The following GRIK4 variants were observed in gnomAD, a reference collection of about 807,000 sequenced individuals.
GRIK4 encodes the protein glutamate receptor ionotropic, kainate 4.
GRIK4 carries 40 observed loss-of-function variants against 104.9 expected under a neutral mutation model. The ratio of observed to expected loss-of-function variants is 0.38; its 90% CI spans 0.30 to 0.50. The LOEUF (loss-of-function observed/expected upper bound fraction) is 0.50, where lower values mean the gene tolerates loss of function less well. Ranked by LOEUF, GRIK4 falls within the 20% of genes least tolerant of loss-of-function variation. The probability of loss-of-function intolerance (pLI) is 0.93; values close to 1 mark genes in which losing one functional copy is unlikely to be tolerated. For synonymous variants in GRIK4, 485 were observed against 524.9 expected (o/e 0.92, Z 1.04); for missense variants, 1,047 against 1,308.1 (o/e 0.80, Z 3.08).
intron 13 of GRIK4, among the ~76,000 whole-genome samples, chr11:120,909,255 G>A (rs998766489): frequency 6.6e-6 from 1 of 152,246 alleles, no homozygotes; most frequent in Non-Finnish European, 1.5e-5. Flanking sequence ...AAATCCTCAT[G>A]GGCATGCCCA....
rs1482315861 is a variant in GRIK4, at chr11:120,819,454, T to TA, written c.346-300dup. On this transcript the variant is annotated intron_variant, in intron 5 of 20. Coordinates refer to ENST00000527524, the MANE Select transcript of GRIK4 (RefSeq NM_014619.5). The surrounding 1 kb of genome is among the most constrained non-coding windows in gnomAD (Gnocchi z 4.3). Reference sequence around the variant, plus strand: ...CAGGCAGTTCCTCTAAGAATAAAGATAGATTCTTTTGCCTTCTCAGGACCA... The same window carrying TA: ...CAGGCAGTTCCTCTAAGAATAAAGATAAGATTCTTTTGCCTTCTCAGGACCA... 5.9e-5 allele frequency among the ~76,000 whole-genome samples: 9 copies of TA among 152,236 alleles called. No individual in the cohort carries two copies. The highest frequency in any genetic ancestry group is 1.9e-4 in the African/African-American group (8 of 41,470).
chr11:120,751,459 C>T (rs1339664766), intron 3 of GRIK4, among the ~76,000 whole-genome samples: 1 of 152,154 alleles, frequency 6.6e-6, no homozygotes, highest in Non-Finnish European at 1.5e-5. Flanking sequence ...AATAAATGGC[C>T]GATAAGGCTG....
intron 3 of GRIK4, among the ~76,000 whole-genome samples, chr11:120,697,963 A>G (rs1950482715): frequency 6.6e-6 from 1 of 151,900 alleles, no homozygotes; most frequent in Non-Finnish European, 1.5e-5. Flanking sequence ...AGAGGCCACT[A>G]TCTCCCCTTT....
intron 4 of GRIK4, among the ~76,000 whole-genome samples, chr11:120,809,479 C>T (rs113555684): frequency 0.013 from 1,968 of 152,306 alleles, 49 homozygotes; most frequent in East Asian, 0.048. Flanking sequence ...TCATAGGGAA[C>T]GAAAGACCAG....
At position 120,940,581 on chromosome 11, in the gene GRIK4, G is replaced by A. The variant is rs1943700595; in HGVS notation, c.1590+121G>A. On this transcript the variant is annotated intron_variant, in intron 14 of 20. Transcript: ENST00000527524. This position sits in a 1 kb window ranked among gnomAD's most constrained non-coding sequence, Gnocchi z 4.3. ...TAGATTTCAAGACTTAAATGCAAATGTGCTGGGCTATTTTTTCTCCTATCA... is the reference window on the plus strand; with the variant it reads ...TAGATTTCAAGACTTAAATGCAAATATGCTGGGCTATTTTTTCTCCTATCA... The A allele has an allele frequency of 6.2e-6, 4 of 649,700 alleles. No individual in the cohort carries two copies. In the South Asian group the frequency reaches 8.0e-5, roughly 13 times the overall value. 40.2% of individuals were successfully genotyped at this position (649,700 alleles called of 1,614,324 possible).
At chr11:120,695,298 C>A (rs1211627221) in intron 3 of GRIK4, among the ~76,000 whole-genome samples, 1 of 152,246 alleles carries the variant, frequency 6.6e-6, no homozygotes, top group Non-Finnish European at 1.5e-5. Flanking sequence ...TCTCTTCCAG[C>A]CCATCCTGGC....
intron 3 of GRIK4, among the ~76,000 whole-genome samples, chr11:120,694,064 G>T (rs564201889): frequency 3.3e-4 from 50 of 152,308 alleles, no homozygotes; most frequent in African/African-American, 1.1e-3. Context: ...TCAGCAGGGG[G>T]CAGATGGTGA....
chr11:120,716,742 C>T (rs1950842273), intron 3 of GRIK4, among the ~76,000 whole-genome samples: 1 of 152,146 alleles, frequency 6.6e-6, no homozygotes, highest in Non-Finnish European at 1.5e-5. Context: ...CACAGGAATC[C>T]TTCCAGCAGT....
chr11:120,578,781 G>C (rs1948523157), intron 1 of GRIK4, among the ~76,000 whole-genome samples: 1 of 152,184 alleles, frequency 6.6e-6, no homozygotes. Context: ...CCCGGCCCCT[G>C]GTTTCTGGTA....
Position 120,513,971 on chromosome 11 carries a change from G to A in GRIK4, c.-159+2084G>A, listed in dbSNP as rs186772468. 1.3e-5 allele frequency among the ~76,000 whole-genome samples: 2 copies of A among 152,302 alleles called. No individual in the cohort carries two copies. Among genetic ancestry groups the A allele is most frequent in the Admixed American group, 6.5e-5 (1 of 15,294 alleles). ...AGGATGGAGAGGGAACTTTAGTACC[G>A]GGAGAGAGGCAGAGACTCTAGGAGA... On this transcript the variant is annotated intron_variant, in intron 1 of 20. Transcript: ENST00000527524. This position sits in a 1 kb window ranked among gnomAD's most constrained non-coding sequence, Gnocchi z 4.5.
intron 11 of GRIK4, among the ~76,000 whole-genome samples, chr11:120,896,307 G>C (rs576976418): frequency 1.3e-5 from 2 of 152,304 alleles, no homozygotes; most frequent in South Asian, 4.2e-4. Context: ...AGGCAAGTTG[G>C]GTGGGCTCTT....
intron 3 of GRIK4, among the ~76,000 whole-genome samples, chr11:120,750,490 C>G (rs1025050676): frequency 2.0e-5 from 3 of 151,514 alleles, no homozygotes; most frequent in African/African-American, 7.3e-5. Context: ...CCTCAGCCTC[C>G]TAAGTAGCTG....
At chr11:120,710,023 A>T (rs1451284641) in intron 3 of GRIK4, among the ~76,000 whole-genome samples, 1 of 152,216 alleles carries the variant, frequency 6.6e-6, no homozygotes, top group African/African-American at 2.4e-5. Context: ...CGTGATTCAT[A>T]ACCAGAATGC....
At chr11:120,534,513 G>A (rs1205848590) in intron 1 of GRIK4, among the ~76,000 whole-genome samples, 1 of 152,046 alleles carries the variant, frequency 6.6e-6, no homozygotes, top group African/African-American at 2.4e-5. Flanking sequence ...AACCGTGCAC[G>A]CTGGGGCCTG....
chr11:120,626,025 G>A (rs1349823986), intron 1 of GRIK4, among the ~76,000 whole-genome samples: 4 of 152,172 alleles, frequency 2.6e-5, no homozygotes, highest in African/African-American at 9.7e-5. Context: ...TGAAATTAAA[G>A]GCTTTTCATG....
chr11:120,620,327 T>G, intron 1 of GRIK4: 1 of 635,770 alleles, frequency 1.6e-6, no homozygotes, highest in Non-Finnish European at 2.9e-6. Context: ...TTTCCCAGAG[T>G]TCTTTTTCTG....
intron 7 of GRIK4, among the ~76,000 whole-genome samples, chr11:120,832,545 A>G (rs917226822): frequency 6.6e-6 from 1 of 152,196 alleles, no homozygotes; most frequent in South Asian, 2.1e-4. Context: ...TGAGGTAGGT[A>G]TAATGTCTTC....
chr11:120,775,759 T>G (rs948877933), intron 3 of GRIK4, among the ~76,000 whole-genome samples: 4 of 152,262 alleles, frequency 2.6e-5, no homozygotes, highest in African/African-American at 9.6e-5. Context: ...TGAGAACTCT[T>G]GGTTCAGACC....
intron 3 of GRIK4, among the ~76,000 whole-genome samples, chr11:120,686,781 A>G: frequency 6.6e-6 from 1 of 152,242 alleles, no homozygotes; most frequent in East Asian, 1.9e-4. Flanking sequence ...TTCCATGAGC[A>G]TACACCACCT....
Sources: allele counts gnomAD v4.1 joint callset (sites outside exome capture counted in the v4.1 genomes callset), GRCh38; gene constraint gnomAD v4.1.1; non-coding constraint Gnocchi (gnomAD v3.1); transcripts MANE v1.5; gene names NCBI Gene and HGNC (gene_info 2026-07-23, HGNC 2026-07-21).